ZNF536: variants seen among roughly 807,000 people sequenced by gnomAD.
The protein encoded by ZNF536 is zinc finger protein 536.
Under a neutral mutation model 84.5 loss-of-function variants are expected in ZNF536, and 13 were observed. The ratio of observed to expected loss-of-function variants is 0.15; its 90% CI spans 0.10 to 0.24. The LOEUF (loss-of-function observed/expected upper bound fraction) is 0.24. Among genes scored for constraint, ZNF536 ranks in the 10% least tolerant of loss-of-function variants. The pLI is 1.00. For missense variants in ZNF536, 1,536 were observed against 1,747.5 expected, an observed-to-expected ratio of 0.88 and a Z score of 2.16; for synonymous variants, 811 against 742.5, an observed-to-expected ratio of 1.09 and a Z score of -1.50.
chr19:30,520,901 A>G (rs568051188), intron 2 of ZNF536, among the ~76,000 whole-genome samples: 2 of 152,242 alleles, frequency 1.3e-5, no homozygotes, highest in East Asian at 3.9e-4. Flanking sequence ...GCATTTACAA[A>G]CACACAGCTC....
At chr19:30,528,255 A>C (rs556718008) in intron 2 of ZNF536, among the ~76,000 whole-genome samples, 1 of 152,270 alleles carries the variant, frequency 6.6e-6, no homozygotes, top group African/African-American at 2.4e-5. Context: ...AAGTCTTTCC[A>C]AAATGTACTT....
At chr19:30,278,528 C>T (rs766080767) in intron 1 of ZNF536, among the ~76,000 whole-genome samples, 1 of 152,152 alleles carries the variant, frequency 6.6e-6, no homozygotes, top group Non-Finnish European at 1.5e-5. Context: ...CTGGGGCCAG[C>T]AAGGCCCCAA....
Position 30,563,152 on chromosome 19 carries a change from G to A in ZNF536, c.169+13638G>A, listed in dbSNP as rs147227745. Among the ~76,000 whole-genome samples, 337 of 152,146 alleles carry A rather than the reference G, an allele frequency of 2.2e-3. 2 individuals carry two copies. The highest frequency in any genetic ancestry group is 7.5e-3 in the African/African-American group (313 of 41,528). Reference sequence around the variant, plus strand: ...AAGACCGAGAACCCGCTAAAACCCCGCTGAGTGGCTGGAGAATCTGGGCAG... The same window carrying A: ...AAGACCGAGAACCCGCTAAAACCCCACTGAGTGGCTGGAGAATCTGGGCAG... On this transcript the variant is annotated intron_variant, in intron 1 of 1. Coordinates refer to the ZNF536 transcript ENST00000592773.
intron 1 of ZNF536, among the ~76,000 whole-genome samples, chr19:30,688,161 C>G (rs143057199): frequency 0.014 from 2,176 of 152,222 alleles, 18 homozygotes; most frequent in Middle Eastern, 0.024. Context: ...CATCTCCTGC[C>G]CAGGGCTGTG....
rs190291514 is a variant in ZNF536, at chr19:30,557,931, T to C, written c.*767T>C. 1 of 152,768 alleles carries C rather than the reference T, an allele frequency of 6.5e-6. No individual in the cohort carries two copies. The highest frequency in any genetic ancestry group is 2.4e-5 in the African/African-American group (1 of 41,568). The allele number at this position is 152,768 out of a possible 1,614,324, so 9.5% of individuals were successfully genotyped here. A position where few individuals can be genotyped will look rare whatever the true frequency, so the allele number is the denominator to read the frequency against. Reference sequence around the variant, plus strand: ...AGCTTTCTGAATAAGTGTCAAACTATATCTTTAAGTGTGCTGTATGCTGAG... The same window carrying C: ...AGCTTTCTGAATAAGTGTCAAACTACATCTTTAAGTGTGCTGTATGCTGAG... On this transcript the variant is annotated 3_prime_UTR_variant, in exon 5 of 5. Coordinates refer to ENST00000355537, the MANE Select transcript of ZNF536 (RefSeq NM_014717.3).
chr19:30,588,010 G>T (rs2047154541), intron 1 of ZNF536, among the ~76,000 whole-genome samples: 1 of 152,232 alleles, frequency 6.6e-6, no homozygotes, highest in African/African-American at 2.4e-5. Flanking sequence ...TCCTCTTGTG[G>T]GAGTCCCTCT....
intron 2 of ZNF536, among the ~76,000 whole-genome samples, chr19:30,315,831 T>C (rs1781563053): frequency 6.6e-6 from 1 of 152,234 alleles, no homozygotes; most frequent in Non-Finnish European, 1.5e-5. Flanking sequence ...ATCATGCATA[T>C]GTATTTTACA....
intron 1 of ZNF536, among the ~76,000 whole-genome samples, chr19:30,268,780 G>T (rs1038259398): frequency 6.6e-6 from 1 of 152,152 alleles, no homozygotes; most frequent in Non-Finnish European, 1.5e-5. Flanking sequence ...GGAAAATGTC[G>T]TGGGGGTTTT....
Position 30,545,758 on chromosome 19 carries a change from C to T in ZNF536, c.2324-2185C>T, listed in dbSNP as rs548718858. 3.9e-5 allele frequency among the ~76,000 whole-genome samples: 6 copies of T among 152,258 alleles called. No homozygotes were observed. The South Asian group carries it at 1.2e-3, about 32-fold the overall frequency. ...AGACACACACATCCTCTGTGCATCC[C>T]CACAGTCCCCACCCAGAAAGGCAGC... is the stretch of plus-strand genomic sequence containing the variant. On this transcript the variant is annotated intron_variant, in intron 3 of 4. Coordinates refer to ENST00000355537, the MANE Select transcript of ZNF536 (RefSeq NM_014717.3).
At chr19:30,669,635 T>G (rs1053792599) in intron 1 of ZNF536, among the ~76,000 whole-genome samples, 4 of 152,190 alleles carry the variant, frequency 2.6e-5, no homozygotes, top group Non-Finnish European at 4.4e-5. Context: ...CGCCCGATCC[T>G]CGCAGAAGGA....
At chr19:30,420,066 C>G (rs895165702) in intron 1 of ZNF536, among the ~76,000 whole-genome samples, 25 of 152,256 alleles carry the variant, frequency 1.6e-4, no homozygotes, top group African/African-American at 5.5e-4. Context: ...AGGGCATCTG[C>G]AGGGACCCAG....
intron 1 of ZNF536, among the ~76,000 whole-genome samples, chr19:30,248,534 G>A (rs1259823597): frequency 6.6e-6 from 1 of 151,862 alleles, no homozygotes; most frequent in Non-Finnish European, 1.5e-5. Context: ...GTGAGCCACT[G>A]TGCCCAACCA....
At chr19:30,358,493 C>T (rs562121524) in intron 3 of ZNF536, among the ~76,000 whole-genome samples, 4 of 152,242 alleles carry the variant, frequency 2.6e-5, no homozygotes, top group Admixed American at 6.5e-5. Context: ...CCCCTAGGGC[C>T]GTTCCTGGCC....
intron 2 of ZNF536, among the ~76,000 whole-genome samples, chr19:30,525,873 G>A (rs552919739): frequency 6.6e-6 from 1 of 152,294 alleles, no homozygotes; most frequent in East Asian, 1.9e-4. Context: ...TTGGGATGAA[G>A]TCAGAGCAGT....
chr19:30,603,520 T>C (rs932097156), intron 1 of ZNF536, among the ~76,000 whole-genome samples: 13 of 152,348 alleles, frequency 8.5e-5, no homozygotes, highest in African/African-American at 3.1e-4. Context: ...GTGAAGGGAA[T>C]CTTGGTATTC....
chr19:30,468,547 C>A (rs2053505337), intron 2 of ZNF536, among the ~76,000 whole-genome samples: 1 of 152,142 alleles, frequency 6.6e-6, no homozygotes, highest in Admixed American at 6.5e-5. Context: ...GAGCTGGGAA[C>A]ACAAACCTCA....
At chr19:30,319,091 C>G (rs573710097) in intron 2 of ZNF536, among the ~76,000 whole-genome samples, 9 of 152,162 alleles carry the variant, frequency 5.9e-5, no homozygotes, top group Non-Finnish European at 1.3e-4. Context: ...TTTTCCAGAT[C>G]GTAGACAAAT....
chr19:30,316,831 C>T (rs1302280231), intron 2 of ZNF536, among the ~76,000 whole-genome samples: 1 of 152,212 alleles, frequency 6.6e-6, no homozygotes, highest in Non-Finnish European at 1.5e-5. Flanking sequence ...CCTGTGCAGG[C>T]CGTGGAATCC....
At chr19:30,378,565 C>T (rs1000639068) in intron 1 of ZNF536, among the ~76,000 whole-genome samples, 8 of 152,174 alleles carry the variant, frequency 5.3e-5, no homozygotes, top group Non-Finnish European at 8.8e-5. Context: ...GGTGCTGAAT[C>T]GGGGTGGTTT....
Sources: allele counts gnomAD v4.1 joint callset (sites outside exome capture counted in the v4.1 genomes callset), GRCh38; gene constraint gnomAD v4.1.1; transcripts MANE v1.5; gene names NCBI Gene and HGNC (gene_info 2026-07-23, HGNC 2026-07-21).